SIL1: variants seen among roughly 807,000 people sequenced by gnomAD.
SIL1 encodes the protein SIL1 nucleotide exchange factor, also known as nucleotide exchange factor SIL1.
In SIL1, 40 loss-of-function variants were observed where a neutral mutation model predicts 49.1. That is an observed-to-expected ratio of 0.81 (90% confidence interval 0.63 to 1.06). The LOEUF is 1.06. Among genes scored for constraint, SIL1 ranks in the 50% least tolerant of loss-of-function variants. The pLI, the probability that SIL1 is intolerant of heterozygous loss-of-function variation, is 0.00. For synonymous variants in SIL1, 253 were observed against 250.8 expected (o/e 1.01, Z -0.08); for missense variants, 500 against 572.6 (o/e 0.87, Z 1.29).
chr5:138,984,332 G>GTT (rs57850973), intron 7 of SIL1, among the ~76,000 whole-genome samples: 1,608 of 141,532 alleles, frequency 0.011, 14 homozygotes, highest in Non-Finnish European at 0.017. Flanking sequence ...CTCTTACGGT[G>GTT]TTTTTTTTTT....
chr5:138,963,045 TCACA>T (rs1767057148), intron 7 of SIL1, among the ~76,000 whole-genome samples: 1 of 152,194 alleles, frequency 6.6e-6, no homozygotes, highest in African/African-American at 2.4e-5. Flanking sequence ...GGGAGATTTT[TCACA>T]CACTGAGATT....
chr5:139,127,243 A>C (rs1237455995), intron 2 of SIL1, among the ~76,000 whole-genome samples: 1 of 152,226 alleles, frequency 6.6e-6, no homozygotes, highest in Non-Finnish European at 1.5e-5. Context: ...GTAGAGGAAG[A>C]AAAAGAGTCT....
intron 7 of SIL1, among the ~76,000 whole-genome samples, chr5:138,959,629 C>T (rs1033364047): frequency 1.3e-5 from 2 of 152,216 alleles, no homozygotes; most frequent in Non-Finnish European, 2.9e-5. Flanking sequence ...CGTGGCCTCA[C>T]GGGATTCTGC....
At chr5:139,197,137 G>A (rs528588568) in intron 1 of SIL1, among the ~76,000 whole-genome samples, 3 of 152,022 alleles carry the variant, frequency 2.0e-5, no homozygotes, top group African/African-American at 4.8e-5. Flanking sequence ...GCACGATGGC[G>A]CATGCCTGTA....
chr5:139,168,949 C>T (rs1452919807), intron 1 of SIL1, among the ~76,000 whole-genome samples: 1 of 149,130 alleles, frequency 6.7e-6, no homozygotes, highest in African/African-American at 2.5e-5. Flanking sequence ...GCAATGAAGA[C>T]CCTGTCTCAA....
chr5:139,135,727 A>C (rs1019618275), intron 1 of SIL1, among the ~76,000 whole-genome samples: 3 of 148,210 alleles, frequency 2.0e-5, no homozygotes, highest in East Asian at 2.0e-4. Flanking sequence ...AAAAAAAAAA[A>C]CTGCAATCAC....
chr5:139,075,013 T>G (rs1444524524), intron 3 of SIL1, among the ~76,000 whole-genome samples: 1 of 152,058 alleles, frequency 6.6e-6, no homozygotes, highest in Non-Finnish European at 1.5e-5. Context: ...TTAGTAGAGA[T>G]GGGGTTTCAC....
chr5:139,056,869 A>C lies in SIL1; in HGVS notation c.245-5823T>G, dbSNP rs867304482. ...ATGATGACAATGGCGGTTTTGTGGAATAGAAAGGGGGGAAAGGTGGGGAAA... is the reference window on the plus strand; with the variant it reads ...ATGATGACAATGGCGGTTTTGTGGACTAGAAAGGGGGGAAAGGTGGGGAAA... On this transcript the variant is annotated intron_variant, in intron 3 of 9. Coordinates refer to ENST00000394817, the MANE Select transcript of SIL1 (RefSeq NM_022464.5). Among the ~76,000 whole-genome samples, 633 of 152,122 alleles carry C rather than the reference A, an allele frequency of 4.2e-3. 6 individuals carry two copies. Among genetic ancestry groups the C allele is most frequent in the African/African-American group, 0.01 (419 of 41,530 alleles).
intron 2 of SIL1, among the ~76,000 whole-genome samples, chr5:139,127,402 G>A (rs1203247108): frequency 6.6e-6 from 1 of 152,196 alleles, no homozygotes; most frequent in Non-Finnish European, 1.5e-5. Flanking sequence ...AATAAAAACT[G>A]TAGCTGCCTA....
intron 7 of SIL1, among the ~76,000 whole-genome samples, chr5:138,994,204 CAA>C (rs1376308661): frequency 6.6e-6 from 1 of 151,938 alleles, no homozygotes; most frequent in Non-Finnish European, 1.5e-5. Flanking sequence ...TGAAAAGAAA[CAA>C]AATTATTTTT....
chr5:139,107,932 G>A (rs547995364), intron 3 of SIL1: 2 of 152,218 alleles, frequency 1.3e-5, no homozygotes, highest in Non-Finnish European at 2.9e-5. Context: ...TAAGTAACTT[G>A]CCCAGCTACT....
At chr5:139,103,054 C>G (rs1233648048) in intron 3 of SIL1, among the ~76,000 whole-genome samples, 1 of 152,110 alleles carries the variant, frequency 6.6e-6, no homozygotes, top group Non-Finnish European at 1.5e-5. Context: ...TCCTTTTGAT[C>G]TTTGGTCTCC....
chr5:139,159,741 C>A (rs1751472341), intron 1 of SIL1, among the ~76,000 whole-genome samples: 1 of 152,084 alleles, frequency 6.6e-6, no homozygotes, highest in Non-Finnish European at 1.5e-5. Context: ...GCTGTTTCCC[C>A]CACAGCAGTA....
chr5:138,962,832 G>A (rs1767051246), intron 7 of SIL1, among the ~76,000 whole-genome samples: 1 of 152,180 alleles, frequency 6.6e-6, no homozygotes, highest in Non-Finnish European at 1.5e-5. Context: ...GGGAGAGATT[G>A]GGAGGAAGGA....
Position 139,042,678 on chromosome 5 carries a change from T to G in SIL1, c.395A>C (p.Lys132Thr). ...CTCCTTGAATTTTGCCAGTGCACTC[T>G]TGAGATCCTGAGATGTGTAGGTGTT... ...NTNTYTSQDL[K>T]SALAKFKEGA... Residue 132 changes from lysine to threonine, a missense_variant, in exon 5 of 10, where the codon AAG becomes ACG. Physicochemically the swap from Lys to Thr is moderately conservative, Grantham distance 78. Transcript: ENST00000394817. The G allele has an allele frequency of 3.7e-6, 6 of 1,614,158 alleles. No individual in the cohort carries two copies. The highest frequency in any genetic ancestry group is 5.1e-6 in the Non-Finnish European group (6 of 1,180,020).
chr5:138,979,479 G>T (rs1441643893), intron 7 of SIL1, among the ~76,000 whole-genome samples: 1 of 152,064 alleles, frequency 6.6e-6, no homozygotes, highest in Admixed American at 6.5e-5. Flanking sequence ...AAAATGCCTG[G>T]CACATAATAG....
At chr5:139,141,002 T>A (rs1341737115) in intron 1 of SIL1, among the ~76,000 whole-genome samples, 1 of 152,160 alleles carries the variant, frequency 6.6e-6, no homozygotes, top group African/African-American at 2.4e-5. Context: ...CAAGCAGAAC[T>A]GACACTGTCC....
chr5:139,147,795 C>CA (rs1318765121), intron 1 of SIL1, among the ~76,000 whole-genome samples: 2 of 152,212 alleles, frequency 1.3e-5, no homozygotes, highest in Non-Finnish European at 2.9e-5. Flanking sequence ...TTAATGTCAA[C>CA]AAAATCACAC....
chr5:139,133,702 T>C lies in SIL1; in HGVS notation c.-10-5849A>G, dbSNP rs1200591405. Among the ~76,000 whole-genome samples, 3 of 152,224 alleles carry C rather than the reference T, an allele frequency of 2.0e-5. No individual in the cohort carries two copies. In the East Asian group the frequency reaches 5.8e-4, roughly 29 times the overall value. ...TCCTGGACAAGCAAAGCCAACTCAG[T>C]AGCCTGCCATGGAGCCCTTGGAATT... On this transcript the variant is annotated intron_variant, in intron 1 of 9. Coordinates refer to ENST00000394817, the MANE Select transcript of SIL1 (RefSeq NM_022464.5).
Sources: gnomAD v4.1 joint callset for allele counts (sites outside exome capture counted in the v4.1 genomes callset) on GRCh38, gnomAD v4.1.1 for gene constraint, MANE v1.5 for transcripts, NCBI Gene and HGNC (gene_info 2026-07-23, HGNC 2026-07-21) for gene names.